The following BMP1 variants were observed in gnomAD, a reference collection of about 807,000 sequenced individuals.
BMP1 encodes bone morphogenetic protein 1.
Under a neutral mutation model 116.8 loss-of-function variants are expected in BMP1, and 63 were observed. That is an observed-to-expected ratio of 0.54 (90% CI 0.44 to 0.67). BMP1 has a LOEUF of 0.67. Ranked by LOEUF, BMP1 falls within the 30% of genes least tolerant of loss-of-function variation. The pLI, the probability that BMP1 is intolerant of heterozygous loss-of-function variation, is 0.00. For missense variants in BMP1, 1,183 were observed against 1,358.9 expected (o/e 0.87, Z 2.04); for synonymous variants, 536 against 533.4 (o/e 1.00, Z -0.07).
chr8:22,207,613 T>G (rs1829388489), intron 18 of BMP1, 97 bp downstream of exon 18: 1 of 1,389,548 alleles, frequency 7.2e-7, no homozygotes, highest in East Asian at 2.4e-5. Flanking sequence ...ACAGAGGGAC[T>G]GAGCCCTGCG....
intron 8 of BMP1, among the ~76,000 whole-genome samples, chr8:22,187,206 G>A (rs557780554): frequency 3.8e-4 from 58 of 152,134 alleles, no homozygotes; most frequent in Admixed American, 5.9e-4. Context: ...GGCCAGGCTA[G>A]TCTCAAACTC....
At position 22,177,156 on chromosome 8, in the gene BMP1, C is replaced by T. The variant is rs754653031; in HGVS notation, c.730+17C>T. The T allele has an allele frequency of 3.8e-6, 6 of 1,581,942 alleles. No homozygotes were observed. The African/African-American group carries it at 5.4e-5, about 14-fold the overall frequency. ...TCCAGCCAGGTAGGTACCTGCCCCTCGGTGCGGCCTTGGTGGGCGGCTCCC... is the reference window on the plus strand; with the variant it reads ...TCCAGCCAGGTAGGTACCTGCCCCTTGGTGCGGCCTTGGTGGGCGGCTCCC... On this transcript the variant is annotated intron_variant, in intron 5 of 19. Transcript: ENST00000306385.
intron 8 of BMP1, among the ~76,000 whole-genome samples, chr8:22,187,476 G>GC (rs1464002368): frequency 2.7e-5 from 4 of 148,344 alleles, no homozygotes; most frequent in African/African-American, 9.9e-5. Flanking sequence ...GACTACAGGA[G>GC]CCCGCCACCA....
intron 1 of BMP1, chr8:22,170,868 G>C (rs1337940962): frequency 1.3e-5 from 2 of 152,110 alleles, no homozygotes; most frequent in Admixed American, 6.5e-5. Flanking sequence ...AGAGGTTGCA[G>C]TGAGCTGAGA....
intron 12 of BMP1, 65 bp from the exon 13 acceptor site, chr8:22,195,397 G>A: frequency 6.5e-7 from 1 of 1,545,906 alleles, no homozygotes; most frequent in Non-Finnish European, 8.7e-7. Context: ...GGACAAGTGA[G>A]GCTCACAGCC....
chr8:22,183,100 C>T (rs1033507861), intron 8 of BMP1, among the ~76,000 whole-genome samples: 1 of 151,734 alleles, frequency 6.6e-6, no homozygotes, highest in African/African-American at 2.4e-5. Flanking sequence ...ACCCATTCTT[C>T]CTTGTTCTGA....
intron 8 of BMP1, among the ~76,000 whole-genome samples, chr8:22,186,932 T>C (rs1258703552): frequency 6.6e-6 from 1 of 152,236 alleles, no homozygotes; most frequent in Admixed American, 6.5e-5. Flanking sequence ...GTACCTATCA[T>C]GTAGTGAGAA....
chr8:22,165,925 G>GTGT (rs1471427779), intron 1 of BMP1, among the ~76,000 whole-genome samples: 5 of 147,094 alleles, frequency 3.4e-5, no homozygotes, highest in African/African-American at 1.3e-4. Context: ...GTGTGTGTGT[G>GTGT]TTCTTTCCCC....
chr8:22,179,931 T>TA lies in BMP1; in HGVS notation c.961+103dup. On this transcript the variant is annotated intron_variant, in intron 7 of 19. Transcript: ENST00000306385. This position sits in a 1 kb window ranked among gnomAD's most constrained non-coding sequence, Gnocchi z 4.6. ...CCAAGAAGGCTTAGGCTGCAAGTCT[T>TA]AGAGAATGGTGTGGCGGGGGAGGGG... 1 of 1,297,354 alleles carries TA rather than the reference T, an allele frequency of 7.7e-7. No homozygotes were observed. Among genetic ancestry groups the TA allele is most frequent in the Non-Finnish European group, 1.1e-6 (1 of 947,396 alleles). 80.4% of individuals were successfully genotyped at this position (1,297,354 alleles called of 1,614,324 possible).
At chr8:22,165,874 T>TGTGC (rs1283969308) in intron 1 of BMP1, among the ~76,000 whole-genome samples, 144 of 139,960 alleles carry the variant, frequency 1.0e-3, no homozygotes, top group African/African-American at 3.2e-3. Flanking sequence ...GCCAAACTCC[T>TGTGC]GTGCGTGCGT....
chr8:22,176,041 C>A lies in BMP1; in HGVS notation c.263-102C>A, dbSNP rs1828419842. On this transcript the variant is annotated intron_variant, in intron 2 of 19. Coordinates refer to ENST00000306385, the MANE Select transcript of BMP1 (RefSeq NM_006129.5). ...CTACGAATAAATTTTAGCCAGTAGACAAATTTGCAAGCACAGAATCCATGA... is the reference window on the plus strand; with the variant it reads ...CTACGAATAAATTTTAGCCAGTAGAAAAATTTGCAAGCACAGAATCCATGA... 4 of 1,266,306 alleles carry A rather than the reference C, an allele frequency of 3.2e-6. No individual in the cohort carries two copies. In the African/African-American group the frequency reaches 6.0e-5, roughly 19 times the overall value. 78.4% of individuals were successfully genotyped at this position (1,266,306 alleles called of 1,614,324 possible).
chr8:22,176,834 C>A, intron 4 of BMP1, 127 bp from the exon 5 acceptor site: 3 of 970,660 alleles, frequency 3.1e-6, no homozygotes, highest in African/African-American at 3.2e-5. Flanking sequence ...CCTGGGCACT[C>A]GGTGCTCAGG....
intron 15 of BMP1, chr8:22,201,226 C>G (rs1186523550): frequency 6.2e-7 from 1 of 1,603,202 alleles, no homozygotes; most frequent in Admixed American, 1.8e-5. Flanking sequence ...CTCCCGGACC[C>G]CTTGTTACTC....
chr8:22,197,356 G>A lies in BMP1; in HGVS notation c.2043G>A (p.Met681Ile), dbSNP rs868533607. ...PEVITSQYNNMRVEFKSDNTV... is the reference protein window; with the variant it reads ...PEVITSQYNNIRVEFKSDNTV... ...TCATCACCTCCCAGTACAACAACATGCGCGTGGAGTTCAAGTCCGACAACA... is the reference window on the plus strand; with the variant it reads ...TCATCACCTCCCAGTACAACAACATACGCGTGGAGTTCAAGTCCGACAACA... Residue 681 changes from methionine to isoleucine, a missense_variant, in exon 15 of 20, where the codon ATG becomes ATA. Coordinates refer to ENST00000306385, the MANE Select transcript of BMP1 (RefSeq NM_006129.5). The A allele has an allele frequency of 1.2e-6, 2 of 1,613,960 alleles. No individual in the cohort carries two copies. Among genetic ancestry groups the A allele is most frequent in the African/African-American group, 2.7e-5 (2 of 75,022 alleles).
chr8:22,199,305 C>T (rs774430548), intron 15 of BMP1: 77 of 1,362,654 alleles, frequency 5.7e-5, no homozygotes, highest in Non-Finnish European at 7.5e-5. Context: ...ACCGAGGAGA[C>T]CCTAAGCCAA....
rs749669157 is a variant in BMP1, at chr8:22,177,063, C to T, written c.654C>T (p.Val218=). The change falls in exon 5 of 20, where the codon GTC becomes GTT. Residue 218 remains valine, a synonymous_variant. Coordinates refer to ENST00000306385, the MANE Select transcript of BMP1 (RefSeq NM_006129.5). Reference sequence around the variant, plus strand: ...TTGTGGTCCACGAGCTGGGCCACGTCGTCGGCTTCTGGCACGAACACACTC... The same window carrying T: ...TTGTGGTCCACGAGCTGGGCCACGTTGTCGGCTTCTGGCACGAACACACTC... The part of the protein sequence containing the change: ...FGIVVHELGH[V]VGFWHEHTRP... 6.2e-7 allele frequency: 1 copy of T among 1,612,566 alleles called. No homozygotes were observed. Among genetic ancestry groups the T allele is most frequent in the Non-Finnish European group, 8.5e-7 (1 of 1,179,404 alleles).
chr8:22,184,793 G>A (rs1028373860), intron 8 of BMP1, among the ~76,000 whole-genome samples: 1 of 152,184 alleles, frequency 6.6e-6, no homozygotes, highest in Non-Finnish European at 1.5e-5. Flanking sequence ...AGGTAGTAGT[G>A]GTGAAATTGG....
At chr8:22,190,410 G>A (rs536018928) in intron 8 of BMP1, among the ~76,000 whole-genome samples, 1 of 152,308 alleles carries the variant, frequency 6.6e-6, no homozygotes, top group East Asian at 1.9e-4. Context: ...GACCGGCAGT[G>A]GCATTGCCCT....
At chr8:22,177,800 AG>A in intron 5 of BMP1, 51 bp from the exon 6 acceptor site, 1 of 1,356,208 alleles carries the variant, frequency 7.4e-7, no homozygotes, top group Non-Finnish European at 1.0e-6. Flanking sequence ...GTTGCATCCC[AG>A]GCAGACCCAC....
Sources: allele counts gnomAD v4.1 joint callset (sites outside exome capture counted in the v4.1 genomes callset), GRCh38; gene constraint gnomAD v4.1.1; non-coding constraint Gnocchi (gnomAD v3.1); transcripts MANE v1.5; gene names NCBI Gene and HGNC (gene_info 2026-07-23, HGNC 2026-07-21).